Variants in PRKCI observed in about 807,000 individuals in gnomAD.
PRKCI encodes protein kinase C iota.
PRKCI carries 43 observed loss-of-function variants against 84.0 expected under a neutral mutation model. The ratio of observed to expected loss-of-function variants is 0.51; its 90% confidence interval spans 0.40 to 0.66. The LOEUF is 0.66. Among genes scored for constraint, PRKCI ranks in the 30% least tolerant of loss-of-function variants. The pLI is 0.00. For synonymous variants in PRKCI, 216 were observed against 234.4 expected (o/e 0.92, Z 0.72); for missense variants, 459 against 745.6 (o/e 0.62, Z 4.48).
intron 12 of PRKCI, among the ~76,000 whole-genome samples, chr3:170,287,839 G>C (rs1173566191): frequency 6.7e-6 from 1 of 149,018 alleles, no homozygotes; most frequent in Admixed American, 6.8e-5. Flanking sequence ...GAACCTGGAG[G>C]CAGAGGTTGC....
intron 7 of PRKCI, among the ~76,000 whole-genome samples, chr3:170,273,656 A>T (rs1432086883): frequency 1.3e-5 from 2 of 151,562 alleles, no homozygotes; most frequent in East Asian, 3.9e-4. Flanking sequence ...CTCTACTAAA[A>T]ATACAAAAAT....
At chr3:170,242,213 T>G (rs1202558797) in intron 2 of PRKCI, among the ~76,000 whole-genome samples, 2 of 152,166 alleles carry the variant, frequency 1.3e-5, no homozygotes, top group Non-Finnish European at 2.9e-5. Flanking sequence ...ACTCTTTGGC[T>G]GAATGTGTAG....
Position 170,291,957 on chromosome 3 carries a change from G to C in PRKCI, c.1291+16G>C. 6.5e-7 allele frequency: 1 copy of C among 1,545,822 alleles called. No individual in the cohort carries two copies. The highest frequency in any genetic ancestry group is 8.9e-7 in the Non-Finnish European group (1 of 1,118,322). On this transcript the variant is annotated intron_variant, in intron 13 of 17. Coordinates refer to ENST00000295797, the MANE Select transcript of PRKCI (RefSeq NM_002740.6). ...GAAGATTATGGTAATAAATAAATTG[G>C]TGGTATTATTTTAGCTATTGCTAGA...
Position 170,304,562 on chromosome 3 carries a change from CACAT to C in PRKCI, c.*1439_*1442del, listed in dbSNP as rs1454117150. On this transcript the variant is annotated 3_prime_UTR_variant, in exon 18 of 18. Coordinates refer to ENST00000295797, the MANE Select transcript of PRKCI (RefSeq NM_002740.6). The stretch of plus-strand genomic sequence containing the variant: ...GGCATGAATAAATGTTCAGGACACA[CACAT>C]ACACTCACACACATCACAGTATCAG... 3.3e-5 allele frequency: 5 copies of C among 152,114 alleles called. No individual in the cohort carries two copies. The highest frequency in any genetic ancestry group is 1.2e-4 in the African/African-American group (5 of 41,424). 9.4% of individuals were successfully genotyped at this position (152,114 alleles called of 1,614,324 possible). A position where few individuals can be genotyped will look rare whatever the true frequency, so the allele number is the denominator to read the frequency against.
intron 17 of PRKCI, among the ~76,000 whole-genome samples, chr3:170,299,400 G>A (rs1258789561): frequency 6.6e-6 from 1 of 152,028 alleles, no homozygotes; most frequent in African/African-American, 2.4e-5. Context: ...GCTAATTTTT[G>A]TATTTTTAGT....
chr3:170,260,088 A>G (rs764853249), intron 3 of PRKCI, 30 bp downstream of exon 3: 6 of 1,387,150 alleles, frequency 4.3e-6, no homozygotes, highest in Non-Finnish European at 6.1e-6. Context: ...ATACTCGTCC[A>G]GACTGATAAT....
chr3:170,279,883 A>C (rs546831743), intron 8 of PRKCI, among the ~76,000 whole-genome samples: 1 of 152,158 alleles, frequency 6.6e-6, no homozygotes, highest in East Asian at 1.9e-4. Flanking sequence ...TGGTACCCCC[A>C]ATCTCTTGGT....
At chr3:170,268,203 A>G (rs935504652) in intron 5 of PRKCI, among the ~76,000 whole-genome samples, 1 of 152,198 alleles carries the variant, frequency 6.6e-6, no homozygotes, top group African/African-American at 2.4e-5. Context: ...GCTCCAGGCC[A>G]GGTGTGGTGG....
chr3:170,289,267 A>G (rs1419860628), intron 12 of PRKCI, among the ~76,000 whole-genome samples: 1 of 152,234 alleles, frequency 6.6e-6, no homozygotes, highest in African/African-American at 2.4e-5. Context: ...TCATATTTCT[A>G]AAAATAGCAT....
intron 12 of PRKCI, among the ~76,000 whole-genome samples, chr3:170,289,186 C>G (rs946055489): frequency 1.3e-5 from 2 of 152,166 alleles, no homozygotes; most frequent in Non-Finnish European, 2.9e-5. Context: ...GACTATTGTA[C>G]TGAAAGTACA....
chr3:170,238,662 G>A (rs999148975), intron 2 of PRKCI, among the ~76,000 whole-genome samples: 3 of 142,696 alleles, frequency 2.1e-5, no homozygotes, highest in South Asian at 4.3e-4. Context: ...CTCGATCTCC[G>A]CCCACTGCAA....
rs368704903 is a variant in PRKCI at position 170,263,399 on chromosome 3, C to A, written c.334C>A (p.Arg112Ser). Residue 112 changes from arginine (R) to serine (S), a missense_variant, in exon 4 of 18, where the codon CGT (arginine) becomes AGT (serine). Around this residue, in one of 2 missense-constraint regions of PRKCI, gnomAD observed 250 missense variants for 319.7 expected, o/e 0.78. Coordinates refer to ENST00000295797, the MANE Select transcript of PRKCI (RefSeq NM_002740.6). ...LIHVFPCVPERPGMPCPGEDK... is the reference protein window; with the variant it reads ...LIHVFPCVPESPGMPCPGEDK... ...TTCAGTGTTCCCTTGTGTACCAGAA[C>A]GTCCTGGGATGCCTTGTCCAGGAGA... 1.2e-6 allele frequency: 2 copies of A among 1,603,478 alleles called. No individual in the cohort carries two copies. The highest frequency in any genetic ancestry group is 1.7e-5 in the Admixed American group (1 of 59,968).
intron 5 of PRKCI, among the ~76,000 whole-genome samples, chr3:170,268,522 C>G (rs2108852738): frequency 6.7e-6 from 1 of 149,970 alleles, no homozygotes; most frequent in East Asian, 1.9e-4. Context: ...ATTAATTATT[C>G]CACATAATAT....
chr3:170,302,282 A>T (rs140010504), intron 17 of PRKCI, among the ~76,000 whole-genome samples: 2 of 152,322 alleles, frequency 1.3e-5, no homozygotes, highest in Non-Finnish European at 2.9e-5. Flanking sequence ...TGCAGAATGA[A>T]TACTGCCTTC....
At chr3:170,262,237 G>A (rs1277999788) in intron 3 of PRKCI, among the ~76,000 whole-genome samples, 1 of 151,968 alleles carries the variant, frequency 6.6e-6, no homozygotes, top group Non-Finnish European at 1.5e-5. Flanking sequence ...ACTGTTTCTG[G>A]TGTTAATTTA....
chr3:170,256,823 C>G (rs981101123), intron 2 of PRKCI, among the ~76,000 whole-genome samples: 1 of 152,038 alleles, frequency 6.6e-6, no homozygotes, highest in Non-Finnish European at 1.5e-5. Flanking sequence ...AAACTCACCT[C>G]TTAGTACTGC....
chr3:170,263,455 T>C (rs764351735), intron 4 of PRKCI, 26 bp downstream of exon 4: 3 of 1,535,328 alleles, frequency 2.0e-6, no homozygotes, highest in Non-Finnish European at 2.7e-6. Flanking sequence ...CTTCATACCT[T>C]TTACAAGAGT....
intron 1 of PRKCI, among the ~76,000 whole-genome samples, chr3:170,229,703 A>G (rs1732736353): frequency 6.6e-6 from 1 of 152,192 alleles, no homozygotes; most frequent in South Asian, 2.1e-4. Context: ...TTTAATACAT[A>G]TTCTTGTAAA....
chr3:170,290,138 C>T (rs188254524), intron 12 of PRKCI, among the ~76,000 whole-genome samples: 9 of 151,124 alleles, frequency 6.0e-5, no homozygotes, highest in African/African-American at 2.4e-5. Context: ...AATTTTGTAC[C>T]GTATAATCTA....
Sources: allele counts gnomAD v4.1 joint callset (sites outside exome capture counted in the v4.1 genomes callset), GRCh38; gene constraint gnomAD v4.1.1; regional missense constraint gnomAD v4.1.1; transcripts MANE v1.5; gene names NCBI Gene and HGNC (gene_info 2026-07-23, HGNC 2026-07-21).